Variants in DNASE1 observed in about 807,000 individuals in gnomAD.
DNASE1 encodes deoxyribonuclease-1.
A neutral mutation model predicts 33.9 loss-of-function variants in DNASE1; 40 were observed. That is an observed-to-expected ratio of 1.18 (90% CI 0.92 to 1.54). The LOEUF is 1.54. Among genes scored for constraint, DNASE1 ranks in the 40% most tolerant of loss-of-function variants. The pLI, the probability that DNASE1 is intolerant of heterozygous loss-of-function variation, is 0.00. For synonymous variants in DNASE1, 216 were observed against 160.0 expected, an observed-to-expected ratio of 1.35 and a Z score of -2.64; for missense variants, 518 against 372.6, an observed-to-expected ratio of 1.39 and a Z score of -3.21.
At chr16:3,661,752 T>C, downstream of DNASE1, 1 of 426,158 alleles carries the variant, frequency 2.3e-6, no homozygotes, top group Non-Finnish European at 4.0e-6. Flanking sequence ...AACGAGGACA[T>C]GGTCACAGGC....
downstream of DNASE1, chr16:3,658,735 CAGGCTGGCA>C: frequency 1.3e-6 from 2 of 1,530,962 alleles, no homozygotes; most frequent in Non-Finnish European, 9.0e-7. Flanking sequence ...ACCCTGAAGG[CAGGCTGGCA>C]GGGCTGGTAG....
Position 3,657,205 on chromosome 16 carries a change from G to A in DNASE1, c.568G>A (p.Asp190Asn), listed in dbSNP as rs142644209. 5.6e-6 allele frequency: 9 copies of A among 1,613,970 alleles called. No homozygotes were observed. The highest frequency in any genetic ancestry group is 1.3e-5 in the African/African-American group (1 of 74,938). The change falls in exon 7 of 9, where the codon GAC (aspartate) becomes AAC (asparagine). Residue 190 changes from aspartate (D) to asparagine (N), a missense_variant. Asp to Asn is a conservative substitution (Grantham distance 23). Transcript: ENST00000246949. ...CTGGTAGGACGTCATGTTGATGGGC[G>A]ACTTCAATGCGGGCTGCAGCTATGT... ...WGLEDVMLMG[D>N]FNAGCSYVRP...
chr16:3,655,955 G>T lies in DNASE1; in HGVS notation c.236+18G>T, dbSNP rs780420404. On this transcript the variant is annotated intron_variant, in intron 3 of 8. Transcript: ENST00000246949. ...CTCAATCAGTGGGTGACAGTGGCAG[G>T]GTCATAGGAAGGTGACATCTCGTCC... is the stretch of plus-strand genomic sequence containing the variant. 1.9e-6 allele frequency: 3 copies of T among 1,613,448 alleles called. No homozygotes were observed. The highest frequency in any genetic ancestry group is 2.2e-5 in the South Asian group (2 of 91,082).
downstream of DNASE1, chr16:3,658,726 C>T (rs1201244327): frequency 2.1e-5 from 31 of 1,475,878 alleles, no homozygotes; most frequent in Middle Eastern, 1.7e-4. Flanking sequence ...CGCTGTTCCA[C>T]CCTGAAGGCA....
chr16:3,645,859 A>G (rs1369382625), intron 1 of DNASE1, among the ~76,000 whole-genome samples: 2 of 152,236 alleles, frequency 1.3e-5, no homozygotes, highest in Admixed American at 6.5e-5. Flanking sequence ...GCGCAGACCA[A>G]GGGCAGTGCA....
At chr16:3,657,435 A>T (rs2042747439) in intron 7 of DNASE1, 94 bp downstream of exon 7, 2 of 1,503,588 alleles carry the variant, frequency 1.3e-6, no homozygotes, top group Non-Finnish European at 1.8e-6. Context: ...AAGCCTTTGA[A>T]CACTCACCCA....
chr16:3,626,164 T>G (rs1035592225), intron 1 of DNASE1, among the ~76,000 whole-genome samples: 1 of 151,374 alleles, frequency 6.6e-6, no homozygotes, highest in Non-Finnish European at 1.5e-5. Context: ...TAGTATCATA[T>G]GCACAATGAC....
At chr16:3,655,974 C>A (rs1368652722) in intron 3 of DNASE1, 37 bp downstream of exon 3, 1 of 1,613,060 alleles carries the variant, frequency 6.2e-7, no homozygotes, top group Non-Finnish European at 8.5e-7. Context: ...AAGGTGACAT[C>A]TCGTCCACGG....
intron 1 of DNASE1, among the ~76,000 whole-genome samples, chr16:3,643,670 G>T (rs959028669): frequency 6.6e-6 from 1 of 152,244 alleles, no homozygotes; most frequent in Admixed American, 6.5e-5. Context: ...GGGGAAGAAA[G>T]GTGACAGACC....
intron 1 of DNASE1, among the ~76,000 whole-genome samples, chr16:3,648,808 G>T (rs2042246939): frequency 6.6e-6 from 1 of 152,164 alleles, no homozygotes; most frequent in South Asian, 2.1e-4. Context: ...ATGAATAAAA[G>T]ATTGGATGTT....
intron 1 of DNASE1, among the ~76,000 whole-genome samples, chr16:3,623,043 A>G (rs1335094178): frequency 6.6e-6 from 1 of 152,010 alleles, no homozygotes; most frequent in Non-Finnish European, 1.5e-5. Flanking sequence ...CCTGCCCCCC[A>G]CGTCCCCCCA....
chr16:3,659,213 C>G (rs1034558366), downstream of DNASE1: 5 of 204,032 alleles, frequency 2.5e-5, no homozygotes, highest in East Asian at 6.7e-4. Flanking sequence ...TTATAGGGCT[C>G]TAGTAAATAA....
chr16:3,665,030 A>C (rs1362637716), exon 10 of DNASE1: 1 of 154,078 alleles, frequency 6.5e-6, no homozygotes, highest in Admixed American at 6.5e-5. Context: ...AGGGAAAAGC[A>C]AGGAGCTGGA....
intron 1 of DNASE1, among the ~76,000 whole-genome samples, chr16:3,613,220 G>A (rs957464701): frequency 2.0e-5 from 3 of 152,132 alleles, no homozygotes; most frequent in East Asian, 1.9e-4. Context: ...TTATGTAAAT[G>A]GGATCATGTG....
chr16:3,613,746 C>G (rs1346932988), intron 1 of DNASE1, among the ~76,000 whole-genome samples: 1 of 151,912 alleles, frequency 6.6e-6, no homozygotes, highest in Non-Finnish European at 1.5e-5. Context: ...TTTCTCTTTC[C>G]TTCCTTCCCT....
chr16:3,656,206 G>C (rs778012830), intron 4 of DNASE1, 21 bp downstream of exon 4: 5 of 1,613,064 alleles, frequency 3.1e-6, no homozygotes, highest in African/African-American at 1.3e-5. Flanking sequence ...TAGAAAGCCA[G>C]GAAGCCCCTC....
At chr16:3,657,619 T>C in intron 7 of DNASE1, 101 bp from the exon 8 acceptor site, 1 of 1,516,570 alleles carries the variant, frequency 6.6e-7, no homozygotes, top group Non-Finnish European at 9.0e-7. Flanking sequence ...CCCACAGACC[T>C]GCACTGGCAG....
At chr16:3,648,576 GCGC>G (rs1386299570) in intron 1 of DNASE1, among the ~76,000 whole-genome samples, 2 of 152,074 alleles carry the variant, frequency 1.3e-5, no homozygotes, top group African/African-American at 4.8e-5. Context: ...AGCCAAGATC[GCGC>G]CACTGCACTC....
upstream of DNASE1, chr16:3,651,959 A>AT (rs2042349502): frequency 6.6e-6 from 1 of 152,430 alleles, no homozygotes; most frequent in South Asian, 2.1e-4. Flanking sequence ...AGAGGAAGAC[A>AT]TAGAGGCTCC....
Sources: gnomAD v4.1 joint callset for allele counts (sites outside exome capture counted in the v4.1 genomes callset) on GRCh38, gnomAD v4.1.1 for gene constraint, MANE v1.5 for transcripts, NCBI Gene and HGNC (gene_info 2026-07-23, HGNC 2026-07-21) for gene names.